Variants in TENM3 observed in about 807,000 individuals in gnomAD.
The protein encoded by TENM3 is teneurin transmembrane protein 3.
In TENM3, 63 loss-of-function variants were observed where a neutral mutation model predicts 255.1. The ratio of observed to expected loss-of-function variants is 0.25; its 90% CI spans 0.20 to 0.30. The LOEUF (loss-of-function observed/expected upper bound fraction) is 0.30, where lower values mean the gene tolerates loss of function less well. TENM3 is among the 10% of genes least tolerant of loss of function. The pLI, the probability that TENM3 is intolerant of heterozygous loss-of-function variation, is 1.00. For missense variants in TENM3, 2,929 were observed against 3,461.1 expected (o/e 0.85, Z 3.86); for synonymous variants, 1,306 against 1,322.3 (o/e 0.99, Z 0.27).
chr4:182,463,868 C>T (rs532597573), intron 3 of TENM3, among the ~76,000 whole-genome samples: 8 of 152,034 alleles, frequency 5.3e-5, no homozygotes, highest in Non-Finnish European at 1.2e-4. Flanking sequence ...GTGATCCACC[C>T]GCCTCGGCCT....
the TENM3 span, among the ~76,000 whole-genome samples, chr4:182,066,102 C>T: frequency 6.6e-6 from 1 of 152,132 alleles, no homozygotes; most frequent in Non-Finnish European, 1.5e-5. Context: ...ACTAGTTTTA[C>T]GTTCCCACCA....
chr4:181,554,477 G>A, the TENM3 span, among the ~76,000 whole-genome samples: 1 of 152,262 alleles, frequency 6.6e-6, no homozygotes, highest in South Asian at 2.1e-4. Context: ...TATCTATGAT[G>A]AGAACATAAA....
chr4:182,240,354 C>T (rs920314656), upstream of TENM3, among the ~76,000 whole-genome samples: 5 of 152,132 alleles, frequency 3.3e-5, no homozygotes, highest in African/African-American at 1.2e-4. Context: ...ACGAGAGACA[C>T]AGAAGAGCGC....
the TENM3 span, among the ~76,000 whole-genome samples, chr4:181,687,249 G>A: frequency 6.6e-6 from 1 of 152,124 alleles, no homozygotes; most frequent in Non-Finnish European, 1.5e-5. Context: ...TACTGAAAAT[G>A]ACTATTATTT....
chr4:182,713,359 A>G (rs1216034911), intron 12 of TENM3, among the ~76,000 whole-genome samples: 1 of 152,176 alleles, frequency 6.6e-6, no homozygotes, highest in Non-Finnish European at 1.5e-5. Flanking sequence ...TTAGTTGGAA[A>G]TCCTGTCGGT....
intron 3 of TENM3, among the ~76,000 whole-genome samples, chr4:182,583,767 A>AT (rs1447105991): frequency 1.3e-5 from 2 of 152,152 alleles, no homozygotes; most frequent in African/African-American, 2.4e-5. Context: ...TAAAATATAC[A>AT]TTTTGGCAAT....
At chr4:182,530,701 G>C (rs745387268) in intron 3 of TENM3, among the ~76,000 whole-genome samples, 35 of 152,182 alleles carry the variant, frequency 2.3e-4, no homozygotes, top group African/African-American at 7.5e-4. Context: ...GTTGAGAACT[G>C]CTAGCCTGGA....
chr4:182,392,194 T>C (rs902301641), intron 3 of TENM3, among the ~76,000 whole-genome samples: 1 of 152,198 alleles, frequency 6.6e-6, no homozygotes, highest in Non-Finnish European at 1.5e-5. Context: ...TCGTTCTTCC[T>C]CTAAGCGGCT....
intron 4 of TENM3, among the ~76,000 whole-genome samples, chr4:182,609,109 G>A (rs1581090521): frequency 6.6e-6 from 1 of 152,320 alleles, no homozygotes; most frequent in East Asian, 1.9e-4. Flanking sequence ...TTGCGGAGGA[G>A]CCTGCTGGGA....
At chr4:181,525,637 T>C in the TENM3 span, among the ~76,000 whole-genome samples, 1 of 152,104 alleles carries the variant, frequency 6.6e-6, no homozygotes. Context: ...TGTTACCTTT[T>C]CCCCCTGTGT....
the TENM3 span, among the ~76,000 whole-genome samples, chr4:181,878,374 A>T: frequency 6.6e-6 from 1 of 152,098 alleles, no homozygotes; most frequent in African/African-American, 2.4e-5. Flanking sequence ...GGAATTGGGG[A>T]AAGTTCTTAG....
intron 3 of TENM3, among the ~76,000 whole-genome samples, chr4:182,561,997 T>TAGATAGAC (rs1743237266): frequency 6.8e-6 from 1 of 147,728 alleles, no homozygotes; most frequent in African/African-American, 2.5e-5. Context: ...GATAGATAGA[T>TAGATAGAC]AGATAGATAG....
the TENM3 span, among the ~76,000 whole-genome samples, chr4:182,112,259 AC>A: frequency 6.6e-6 from 1 of 151,848 alleles, no homozygotes; most frequent in African/African-American, 2.4e-5. Context: ...CCCCAACAAA[AC>A]CCCAACCCCA....
chr4:181,832,272 AT>A, the TENM3 span, among the ~76,000 whole-genome samples: 1 of 152,298 alleles, frequency 6.6e-6, no homozygotes, highest in East Asian at 1.9e-4. Context: ...ACCTGAAACA[AT>A]GAAATAGGAG....
the TENM3 span, among the ~76,000 whole-genome samples, chr4:182,133,132 G>T: frequency 6.6e-6 from 1 of 152,142 alleles, no homozygotes; most frequent in Non-Finnish European, 1.5e-5. Flanking sequence ...TTATCATAAG[G>T]ACTTTAAATC....
chr4:182,219,331 A>T (rs1474964398), intron 1 of TENM3, among the ~76,000 whole-genome samples: 1 of 152,234 alleles, frequency 6.6e-6, no homozygotes, highest in Non-Finnish European at 1.5e-5. Context: ...GAAGGTTGTC[A>T]TCAAATACAT....
At chr4:181,894,539 G>T in the TENM3 span, among the ~76,000 whole-genome samples, 1 of 152,168 alleles carries the variant, frequency 6.6e-6, no homozygotes, top group Non-Finnish European at 1.5e-5. Flanking sequence ...CTGTCAGGGA[G>T]TATGAGCAAA....
chr4:182,655,715 G>A (rs1441843641), intron 6 of TENM3, among the ~76,000 whole-genome samples: 2 of 152,172 alleles, frequency 1.3e-5, no homozygotes, highest in Non-Finnish European at 2.9e-5. Flanking sequence ...TCACATGAAT[G>A]TGGCCATATT....
the TENM3 span, among the ~76,000 whole-genome samples, chr4:181,677,540 T>C: frequency 2.6e-5 from 4 of 152,090 alleles, no homozygotes; most frequent in Non-Finnish European, 4.4e-5. Context: ...TCTAAGATAC[T>C]CCTTTGTTTT....
Sources: gnomAD v4.1 joint callset for allele counts (sites outside exome capture counted in the v4.1 genomes callset) on GRCh38, gnomAD v4.1.1 for gene constraint, MANE v1.5 for transcripts, NCBI Gene and HGNC (gene_info 2026-07-23, HGNC 2026-07-21) for gene names.